The following ZFAND3 variants were observed in gnomAD, a reference collection of about 807,000 sequenced individuals.
The protein encoded by ZFAND3 is AN1-type zinc finger protein 3.
A neutral mutation model predicts 29.6 loss-of-function variants in ZFAND3; 10 were observed. The ratio of observed to expected loss-of-function variants is 0.34; its 90% CI spans 0.21 to 0.57. The LOEUF is 0.57. Ranked by LOEUF, ZFAND3 falls within the 20% of genes least tolerant of loss-of-function variation. The pLI is 0.86. For missense variants in ZFAND3, 230 were observed against 304.5 expected (o/e 0.76, Z 1.82); for synonymous variants, 128 against 112.6 (o/e 1.14, Z -0.87).
At chr6:37,948,485 T>G (rs567608237) in intron 2 of ZFAND3, among the ~76,000 whole-genome samples, 1 of 152,320 alleles carries the variant, frequency 6.6e-6, no homozygotes, top group South Asian at 2.1e-4. Context: ...TTTTTAGACT[T>G]AGGGGGCACA....
At chr6:38,117,504 C>T (rs534416165) in intron 5 of ZFAND3, among the ~76,000 whole-genome samples, 22 of 152,062 alleles carry the variant, frequency 1.4e-4, no homozygotes, top group Non-Finnish European at 2.2e-4. Flanking sequence ...CACATAGGAA[C>T]GAAATTGTGT....
At chr6:38,113,949 T>C (rs1441904944) in intron 4 of ZFAND3, among the ~76,000 whole-genome samples, 3 of 152,222 alleles carry the variant, frequency 2.0e-5, no homozygotes, top group African/African-American at 7.2e-5. Flanking sequence ...CTCTGCATTT[T>C]CAGACACAGA....
chr6:38,121,168 C>T (rs1302278655), intron 5 of ZFAND3, among the ~76,000 whole-genome samples: 1 of 152,102 alleles, frequency 6.6e-6, no homozygotes. Context: ...AGCTTGTTGC[C>T]CGTCTCTATT....
intron 3 of ZFAND3, among the ~76,000 whole-genome samples, chr6:38,062,231 T>C (rs904211913): frequency 5.9e-5 from 9 of 152,148 alleles, no homozygotes; most frequent in African/African-American, 2.2e-4. Flanking sequence ...CCTCTGTCAC[T>C]AACTGGGCCT....
chr6:38,001,150 C>G (rs1212733086), intron 2 of ZFAND3, among the ~76,000 whole-genome samples: 1 of 152,150 alleles, frequency 6.6e-6, no homozygotes, highest in African/African-American at 2.4e-5. Context: ...TAACTCTGAC[C>G]ACCCTTAGTG....
At chr6:37,913,736 G>GTTTTTTT (rs1761173635) in intron 1 of ZFAND3, among the ~76,000 whole-genome samples, 1 of 103,314 alleles carries the variant, frequency 9.7e-6, no homozygotes, top group South Asian at 2.8e-4. Flanking sequence ...TTGAGACAGA[G>GTTTTTTT]TTTTGCTCTT....
chr6:37,949,999 T>G (rs757106989), intron 2 of ZFAND3, among the ~76,000 whole-genome samples: 3 of 152,138 alleles, frequency 2.0e-5, no homozygotes, highest in Non-Finnish European at 4.4e-5. Context: ...TAGGGGAACA[T>G]GAGACAGGAA....
chr6:38,049,959 T>A (rs1163925817), intron 2 of ZFAND3, among the ~76,000 whole-genome samples: 52 of 10,942 alleles, frequency 4.8e-3, no homozygotes, highest in Admixed American at 0.015. Flanking sequence ...TTTTTTTTTT[T>A]TTTTTTTTTG....
chr6:38,071,064 T>TA (rs1764443955), intron 3 of ZFAND3, among the ~76,000 whole-genome samples: 3 of 150,470 alleles, frequency 2.0e-5, no homozygotes, highest in Admixed American at 6.6e-5. Flanking sequence ...TAGGAATTCT[T>TA]TTATATATAT....
At chr6:37,918,170 G>T (rs374840601) in intron 1 of ZFAND3, among the ~76,000 whole-genome samples, 2 of 151,532 alleles carry the variant, frequency 1.3e-5, no homozygotes, top group Non-Finnish European at 2.9e-5. Flanking sequence ...TCTGCCTCAC[G>T]GGTTCACGTC....
At chr6:37,913,008 A>T (rs1253676569) in intron 1 of ZFAND3, among the ~76,000 whole-genome samples, 2 of 152,206 alleles carry the variant, frequency 1.3e-5, no homozygotes, top group Non-Finnish European at 2.9e-5. Context: ...AAAAATGTAC[A>T]TACTTTAATT....
chr6:38,058,252 A>G (rs1764168997), intron 2 of ZFAND3, among the ~76,000 whole-genome samples: 2 of 152,208 alleles, frequency 1.3e-5, no homozygotes, highest in Admixed American at 1.3e-4. Flanking sequence ...GCTAGATGGT[A>G]CAGTGATGAC....
At chr6:38,006,983 G>A (rs990422272) in intron 2 of ZFAND3, among the ~76,000 whole-genome samples, 3 of 152,148 alleles carry the variant, frequency 2.0e-5, no homozygotes, top group Non-Finnish European at 4.4e-5. Flanking sequence ...AGAGAAGGAA[G>A]AGGTGTGGAG....
In ZFAND3 at chr6:37,870,181, C is replaced by T. The variant is rs558533318; in HGVS notation, c.71+50165C>T. 1.8e-4 allele frequency among the ~76,000 whole-genome samples: 27 copies of T among 150,552 alleles called. 1 individual carries two copies. The South Asian group carries it at 2.5e-3, about 14-fold the overall frequency. ...GTTGTTAGCTGGGTGTGGTGGCACA[C>T]GCCTGTAGTCCCAGCTGTTTGTGAG... On this transcript the variant is annotated intron_variant, in intron 1 of 5. Transcript: ENST00000287218.
chr6:37,910,045 T>C (rs1765492311), intron 1 of ZFAND3, among the ~76,000 whole-genome samples: 1 of 152,260 alleles, frequency 6.6e-6, no homozygotes. Context: ...GCTTGTTCTT[T>C]GCATGTCATC....
chr6:37,914,303 G>A (rs1393039914), intron 1 of ZFAND3, among the ~76,000 whole-genome samples: 2 of 152,158 alleles, frequency 1.3e-5, no homozygotes, highest in Admixed American at 1.3e-4. Context: ...TCCAGACCCT[G>A]TTGTTTCGTC....
intron 2 of ZFAND3, among the ~76,000 whole-genome samples, chr6:38,057,996 G>T (rs546321330): frequency 1.3e-5 from 2 of 152,150 alleles, no homozygotes; most frequent in African/African-American, 2.4e-5. Flanking sequence ...TTAAAAGAAG[G>T]TACACTGTGT....
intron 2 of ZFAND3, among the ~76,000 whole-genome samples, chr6:37,961,595 G>T (rs1419013661): frequency 6.6e-6 from 1 of 152,252 alleles, no homozygotes; most frequent in Non-Finnish European, 1.5e-5. Flanking sequence ...CGAAGTCCTA[G>T]AGCTGGTGGC....
chr6:38,086,749 T>C (rs1204021534), intron 4 of ZFAND3, among the ~76,000 whole-genome samples: 3 of 152,210 alleles, frequency 2.0e-5, no homozygotes, highest in Non-Finnish European at 4.4e-5. Context: ...GCTATCTTCA[T>C]GACAGTATAT....
Sources: gnomAD v4.1 joint callset for allele counts (sites outside exome capture counted in the v4.1 genomes callset) on GRCh38, gnomAD v4.1.1 for gene constraint, MANE v1.5 for transcripts, NCBI Gene and HGNC (gene_info 2026-07-23, HGNC 2026-07-21) for gene names.